The following FMO3 variants were observed in gnomAD, a reference collection of about 807,000 sequenced individuals.
The protein encoded by FMO3 is flavin containing dimethylaniline monoxygenase 3.
Under a neutral mutation model 39.4 loss-of-function variants are expected in FMO3, and 40 were observed. The ratio of observed to expected loss-of-function variants is 1.02; its 90% CI spans 0.79 to 1.32. The LOEUF is 1.32. Ranked by LOEUF, FMO3 falls within the 40% of genes most tolerant of loss-of-function variation. The probability of loss-of-function intolerance (pLI) is 0.00; values close to 1 mark genes in which losing one functional copy is unlikely to be tolerated. For missense variants in FMO3, 680 were observed against 651.8 expected (o/e 1.04, Z -0.47); for synonymous variants, 219 against 228.8 (o/e 0.96, Z 0.39).
chr1:171,115,119 G>T (rs994366423), intron 7 of FMO3, among the ~76,000 whole-genome samples: 8 of 152,152 alleles, frequency 5.3e-5, no homozygotes, highest in Non-Finnish European at 4.4e-5. Flanking sequence ...TTTCACTCAG[G>T]ATTCCACTTA....
intron 2 of FMO3, among the ~76,000 whole-genome samples, chr1:171,098,217 G>T (rs1240439997): frequency 5.3e-5 from 8 of 152,182 alleles, no homozygotes; most frequent in Admixed American, 5.2e-4. Context: ...TTTGAAGTCA[G>T]GTAGTGTGAT....
chr1:171,097,179 C>G lies in FMO3; in HGVS notation c.132+4389C>G, dbSNP rs1280672228. Among the ~76,000 whole-genome samples, 11 of 144,662 alleles carry G rather than the reference C, an allele frequency of 7.6e-5. No individual in the cohort carries two copies. The East Asian group carries it at 2.2e-3, about 29-fold the overall frequency. The allele number at this position is 144,662 out of a possible 152,430, so 94.9% of individuals were successfully genotyped here. A position where few individuals can be genotyped will look rare whatever the true frequency, so the allele number is the denominator to read the frequency against. On this transcript the variant is annotated intron_variant, in intron 2 of 8. Transcript: ENST00000367755. ...TGTATATGTGCCACATTTTCTTAATCCAGTCTATCATTGTTGGACATTTGG... is the reference window on the plus strand; with the variant it reads ...TGTATATGTGCCACATTTTCTTAATGCAGTCTATCATTGTTGGACATTTGG...
intron 2 of FMO3, among the ~76,000 whole-genome samples, chr1:171,096,030 A>ATATTATATATAAATATATAATATATAT (rs1654985060): frequency 1.7e-5 from 1 of 60,006 alleles, no homozygotes; most frequent in Non-Finnish European, 2.8e-5. Flanking sequence ...ATATTAATAT[A>ATATTATATATAAATATATAATATATAT]TAATATATAT....
Position 171,103,845 on chromosome 1 carries a change from G to A in FMO3, c.193G>A (p.Glu65Lys). ...YKSVFSNSSK[E>K]MMCFPDFPFP... The stretch of plus-strand genomic sequence containing the variant: ...ATCAGTCTTTTCCAACTCTTCCAAA[G>A]AGATGATGTGTTTCCCAGACTTCCC... The change falls in exon 3 of 9, where the codon GAG becomes AAG. Residue 65 changes from glutamate to lysine, a missense_variant. Coordinates refer to ENST00000367755, the MANE Select transcript of FMO3 (RefSeq NM_001002294.3). 6.2e-7 allele frequency: 1 copy of A among 1,613,848 alleles called. No individual in the cohort carries two copies. Among genetic ancestry groups the A allele is most frequent in the Admixed American group, 1.7e-5 (1 of 59,968 alleles).
chr1:171,115,700 T>C (rs936404320), intron 7 of FMO3, among the ~76,000 whole-genome samples: 1 of 152,138 alleles, frequency 6.6e-6, no homozygotes, highest in Admixed American at 6.5e-5. Context: ...CCAAGTCAGA[T>C]CTAGTCTCCT....
At chr1:171,105,723 A>G (rs567068254) in intron 3 of FMO3, among the ~76,000 whole-genome samples, 28 of 152,238 alleles carry the variant, frequency 1.8e-4, no homozygotes, top group Non-Finnish European at 3.7e-4. Flanking sequence ...ATTTTACTAC[A>G]AAAACCTGTT....
Position 171,113,597 on chromosome 1 carries a change from G to A in FMO3, c.828-410G>A, listed in dbSNP as rs28363580. 7.1e-3 allele frequency among the ~76,000 whole-genome samples: 1,075 copies of A among 152,290 alleles called. 10 individuals carry two copies. Among genetic ancestry groups the A allele is most frequent in the African/African-American group, 0.025 (1,036 of 41,566 alleles). The stretch of plus-strand genomic sequence containing the variant: ...TAGTACAAACATTACTGACATTCCA[G>A]ATGAGAAATATGAGACACCAAGAAT... On this transcript the variant is annotated intron_variant, in intron 6 of 8. Transcript: ENST00000367755.
chr1:171,096,073 A>ATATATATT (rs1557933390), intron 2 of FMO3, among the ~76,000 whole-genome samples: 1 of 60,992 alleles, frequency 1.6e-5, no homozygotes, highest in Non-Finnish European at 2.7e-5. Flanking sequence ...ATTATATATT[A>ATATATATT]ATATATAATA....
intron 2 of FMO3, chr1:171,099,701 C>T (rs540745036): frequency 6.6e-6 from 1 of 150,636 alleles, no homozygotes; most frequent in East Asian, 1.9e-4. Flanking sequence ...TTCTTAACTC[C>T]TTTGTAAATT....
At chr1:171,105,158 T>C (rs1012531812) in intron 3 of FMO3, among the ~76,000 whole-genome samples, 9 of 152,156 alleles carry the variant, frequency 5.9e-5, no homozygotes, top group Non-Finnish European at 8.8e-5. Flanking sequence ...AAATTAAAAA[T>C]CTTCCCATAA....
Position 171,117,676 on chromosome 1 carries a change from C to T in FMO3, c.*234C>T, listed in dbSNP as rs1486954481. On this transcript the variant is annotated 3_prime_UTR_variant, in exon 9 of 9. Transcript: ENST00000367755. ...CATTTCTGTTTGAGTTCCACTAACA[C>T]TTCAAAATCAGAACTATGTTCTTTA... The T allele has an allele frequency of 1.2e-5, 5 of 429,398 alleles. No homozygotes were observed. The East Asian group carries it at 1.8e-4, about 15-fold the overall frequency. 26.6% of individuals were successfully genotyped at this position (429,398 alleles called of 1,614,324 possible).
At chr1:171,094,051 ACTC>A (rs1214254806) in intron 2 of FMO3, among the ~76,000 whole-genome samples, 2 of 151,018 alleles carry the variant, frequency 1.3e-5, no homozygotes, top group African/African-American at 4.9e-5. Context: ...CTGGTCTCAA[ACTC>A]CTCAGCTCAG....
chr1:171,101,602 G>A, intron 2 of FMO3: 2 of 454,182 alleles, frequency 4.4e-6, no homozygotes, highest in Non-Finnish European at 8.9e-6. Context: ...CTAACACTAA[G>A]GGTGCATATA....
intron 3 of FMO3, among the ~76,000 whole-genome samples, chr1:171,106,641 A>G (rs1450301317): frequency 1.3e-5 from 2 of 152,182 alleles, no homozygotes; most frequent in Non-Finnish European, 2.9e-5. Context: ...AGAAAAATAA[A>G]GAGAATGACA....
chr1:171,096,305 T>C lies in FMO3; in HGVS notation c.132+3515T>C, dbSNP rs1176290283. Among the ~76,000 whole-genome samples, 121 of 96,044 alleles carry C rather than the reference T, an allele frequency of 1.3e-3. 2 individuals are homozygous for C. The Admixed American group carries it at 0.018, about 14-fold the overall frequency. The allele number at this position is 96,044 out of a possible 152,430, so 63.0% of individuals were successfully genotyped here. ...TATATTATATATCTATTATATATCA[T>C]ATATAATATTTATATATAATATATA... On this transcript the variant is annotated intron_variant, in intron 2 of 8. Coordinates refer to ENST00000367755, the MANE Select transcript of FMO3 (RefSeq NM_001002294.3).
intron 2 of FMO3, chr1:171,100,844 T>G: frequency 3.7e-6 from 1 of 268,188 alleles, no homozygotes; most frequent in Non-Finnish European, 7.5e-6. Context: ...AACCTGTAAA[T>G]GTTATCTTAC....
chr1:171,110,302 T>C (rs748417205), intron 5 of FMO3, among the ~76,000 whole-genome samples: 3 of 152,158 alleles, frequency 2.0e-5, no homozygotes, highest in Admixed American at 2.0e-4. Flanking sequence ...AATAGTTAGA[T>C]AAGTGCTAGG....
chr1:171,103,644 T>C, intron 2 of FMO3, 141 bp from the exon 3 acceptor site: 1 of 727,102 alleles, frequency 1.4e-6, no homozygotes, highest in Non-Finnish European at 2.5e-6. Context: ...GACTTGAGCA[T>C]TCGTAGATTT....
intron 2 of FMO3, among the ~76,000 whole-genome samples, chr1:171,101,429 C>T (rs1232853381): frequency 6.6e-6 from 1 of 152,194 alleles, no homozygotes; most frequent in African/African-American, 2.4e-5. Context: ...TTTCTCAGAT[C>T]ACTAGAAGTC....
Sources: gnomAD v4.1 joint callset for allele counts (sites outside exome capture counted in the v4.1 genomes callset) on GRCh38, gnomAD v4.1.1 for gene constraint, MANE v1.5 for transcripts, NCBI Gene and HGNC (gene_info 2026-07-23, HGNC 2026-07-21) for gene names.